Variants in CFAP299 observed in about 807,000 individuals in gnomAD.
The protein encoded by CFAP299 is cilia- and flagella-associated protein 299.
Under a neutral mutation model 27.0 loss-of-function variants are expected in CFAP299, and 21 were observed. The observed-to-expected ratio is 0.78, with a 90% CI of 0.55 to 1.12. CFAP299 has a LOEUF of 1.12. Ranked by LOEUF, CFAP299 falls within the 50% of genes most tolerant of loss-of-function variation. CFAP299 has a pLI of 0.00. For synonymous variants in CFAP299, 104 were observed against 98.1 expected (o/e 1.06, Z -0.36); for missense variants, 310 against 276.6 (o/e 1.12, Z -0.86).
intron 2 of CFAP299, among the ~76,000 whole-genome samples, chr4:80,397,058 G>A (rs1295371754): frequency 1.3e-5 from 2 of 151,926 alleles, no homozygotes; most frequent in Non-Finnish European, 2.9e-5. Flanking sequence ...CAATTTCAGA[G>A]CCTGTTATTG....
chr4:80,724,123 A>G (rs574315160), intron 3 of CFAP299, among the ~76,000 whole-genome samples: 32 of 152,166 alleles, frequency 2.1e-4, no homozygotes, highest in Non-Finnish European at 3.5e-4. Flanking sequence ...TGTCACTAAA[A>G]TATATTCATT....
In CFAP299 at chr4:80,572,579, G is replaced by A. The variant is rs189681689; in HGVS notation, c.243-10514G>A. 3.1e-5 allele frequency among the ~76,000 whole-genome samples: 4 copies of A among 128,204 alleles called. No homozygotes were observed. The Admixed American group carries it at 3.8e-4, about 12-fold the overall frequency. The allele number at this position is 128,204 out of a possible 152,430, so 84.1% of individuals were successfully genotyped here. ...GTTTCCCAGGCTGGAATGTAATGGTGCTATCTCGACTCACTGCAACCTCCG... is the reference window on the plus strand; with the variant it reads ...GTTTCCCAGGCTGGAATGTAATGGTACTATCTCGACTCACTGCAACCTCCG... On this transcript the variant is annotated intron_variant, in intron 2 of 5. Coordinates refer to ENST00000358105, the MANE Select transcript of CFAP299 (RefSeq NM_152770.3).
chr4:80,352,708 C>A (rs1723072639), intron 1 of CFAP299, among the ~76,000 whole-genome samples: 1 of 125,428 alleles, frequency 8.0e-6, no homozygotes, highest in South Asian at 2.9e-4. Flanking sequence ...TGAAATCATA[C>A]AAAAGTATAT....
intron 3 of CFAP299, among the ~76,000 whole-genome samples, chr4:80,783,503 A>G (rs115574551): frequency 0.011 from 1,608 of 152,176 alleles, 33 homozygotes; most frequent in African/African-American, 0.035. Flanking sequence ...GTATTCAAAA[A>G]CTCATTTTCC....
At chr4:80,767,017 C>T (rs908057934) in intron 3 of CFAP299, among the ~76,000 whole-genome samples, 6 of 152,158 alleles carry the variant, frequency 3.9e-5, no homozygotes, top group Admixed American at 2.6e-4. Context: ...CCCCCTTATC[C>T]GAAGGATATA....
At chr4:80,767,131 C>T (rs768317631) in intron 3 of CFAP299, among the ~76,000 whole-genome samples, 4 of 151,948 alleles carry the variant, frequency 2.6e-5, no homozygotes, top group African/African-American at 7.3e-5. Flanking sequence ...AAAATACATA[C>T]ATTGTATGTA....
At chr4:80,733,639 A>C (rs1489045317) in intron 3 of CFAP299, among the ~76,000 whole-genome samples, 1 of 152,060 alleles carries the variant, frequency 6.6e-6, no homozygotes, top group Non-Finnish European at 1.5e-5. Context: ...AGCCTCTGTG[A>C]CCATTCCTCT....
chr4:80,890,795 A>G (rs1242633606), intron 4 of CFAP299, among the ~76,000 whole-genome samples: 1 of 148,840 alleles, frequency 6.7e-6, no homozygotes, highest in Admixed American at 6.7e-5. Flanking sequence ...TTTGATTTGC[A>G]TTTCTCTGAT....
At chr4:80,910,854 A>G (rs142633208) in intron 4 of CFAP299, among the ~76,000 whole-genome samples, 109 of 152,248 alleles carry the variant, frequency 7.2e-4, no homozygotes, top group African/African-American at 2.5e-3. Context: ...TAAAAACAGA[A>G]TAGTCTTGGA....
intron 2 of CFAP299, among the ~76,000 whole-genome samples, chr4:80,522,752 C>G (rs1578550717): frequency 2.0e-5 from 3 of 152,172 alleles, no homozygotes; most frequent in African/African-American, 7.2e-5. Context: ...GTTGAAGAAG[C>G]TATTCTTTCC....
At chr4:80,757,492 C>G (rs1036741974) in intron 3 of CFAP299, among the ~76,000 whole-genome samples, 11 of 152,240 alleles carry the variant, frequency 7.2e-5, no homozygotes, top group African/African-American at 2.6e-4. Context: ...TTTCTGACAG[C>G]TAACATGTTT....
At chr4:80,607,306 C>CAAGA (rs1288276749) in intron 3 of CFAP299, among the ~76,000 whole-genome samples, 2 of 152,032 alleles carry the variant, frequency 1.3e-5, no homozygotes, top group African/African-American at 4.8e-5. Context: ...CTTAGATAGA[C>CAAGA]AAGAAACAAT....
intron 2 of CFAP299, among the ~76,000 whole-genome samples, chr4:80,422,585 A>T (rs976321945): frequency 1.3e-5 from 2 of 152,112 alleles, no homozygotes; most frequent in Non-Finnish European, 2.9e-5. Context: ...ATCAGTTGTT[A>T]TTAAGTATCT....
chr4:80,895,943 G>A (rs1443058558), intron 4 of CFAP299, among the ~76,000 whole-genome samples: 2 of 152,050 alleles, frequency 1.3e-5, no homozygotes, highest in Admixed American at 6.5e-5. Context: ...ATCTGGAAAA[G>A]CATGCTTCCA....
intron 3 of CFAP299, among the ~76,000 whole-genome samples, chr4:80,854,839 A>AGG (rs1731746874): frequency 8.3e-6 from 1 of 120,850 alleles, no homozygotes; most frequent in Non-Finnish European, 1.7e-5. Context: ...AAAAAAAAAC[A>AGG]GAAAAGGAAA....
At chr4:80,884,114 G>A (rs1733853370) in intron 4 of CFAP299, among the ~76,000 whole-genome samples, 1 of 152,100 alleles carries the variant, frequency 6.6e-6, no homozygotes, top group African/African-American at 2.4e-5. Flanking sequence ...AAGAACATGA[G>A]GCAATTCTCC....
chr4:80,859,192 G>T (rs985127431), intron 3 of CFAP299, among the ~76,000 whole-genome samples: 2 of 152,030 alleles, frequency 1.3e-5, no homozygotes, highest in African/African-American at 4.8e-5. Flanking sequence ...TTTGATCTTT[G>T]TTGGTTTAAA....
intron 4 of CFAP299, among the ~76,000 whole-genome samples, chr4:80,889,248 AAG>A (rs1734126138): frequency 6.6e-6 from 1 of 151,902 alleles, no homozygotes. Flanking sequence ...GACTAAGAAA[AAG>A]AGAGAGAAGC....
chr4:80,945,239 C>T (rs1485324004), intron 5 of CFAP299, among the ~76,000 whole-genome samples: 1 of 152,182 alleles, frequency 6.6e-6, no homozygotes, highest in East Asian at 1.9e-4. Context: ...TGTGCTTCCC[C>T]CGATCCTGCA....
Sources: gnomAD v4.1 joint callset for allele counts (sites outside exome capture counted in the v4.1 genomes callset) on GRCh38, gnomAD v4.1.1 for gene constraint, MANE v1.5 for transcripts, NCBI Gene and HGNC (gene_info 2026-07-23, HGNC 2026-07-21) for gene names.